SLC25A26: variants seen among roughly 807,000 people sequenced by gnomAD.
SLC25A26 encodes the protein solute carrier family 25 member 26.
In SLC25A26, 36 loss-of-function variants were observed where a neutral mutation model predicts 37.8. The observed-to-expected ratio is 0.95, with a 90% CI of 0.73 to 1.26. The LOEUF (loss-of-function observed/expected upper bound fraction) is 1.26. Ranked by LOEUF, SLC25A26 falls within the 50% of genes most tolerant of loss-of-function variation. The pLI is 0.00. For synonymous variants in SLC25A26, 129 were observed against 122.5 expected (o/e 1.05, Z -0.35); for missense variants, 390 against 331.1 (o/e 1.18, Z -1.38).
chr3:66,218,160 A>G (rs1451063314), upstream of SLC25A26, among the ~76,000 whole-genome samples: 1 of 151,258 alleles, frequency 6.6e-6, no homozygotes, highest in Non-Finnish European at 1.5e-5. Flanking sequence ...GTTGTTTCAT[A>G]TATCAGTAAT....
At chr3:66,214,395 A>G (rs2071330821) in intron 1 of SLC25A26, among the ~76,000 whole-genome samples, 1 of 152,176 alleles carries the variant, frequency 6.6e-6, no homozygotes. Context: ...TACACAACCT[A>G]AAGTATTCCT....
chr3:66,360,477 A>G (rs1170517707), intron 6 of SLC25A26, among the ~76,000 whole-genome samples: 1 of 152,214 alleles, frequency 6.6e-6, no homozygotes, highest in African/African-American at 2.4e-5. Context: ...TGATACGGTC[A>G]TCTATGTCGA....
At position 66,378,080 on chromosome 3, in the gene SLC25A26, A is replaced by T; in HGVS notation, c.*273A>T. On this transcript the variant is annotated 3_prime_UTR_variant, in exon 10 of 10. Coordinates refer to ENST00000354883, the MANE Select transcript of SLC25A26 (RefSeq NM_001379210.1). ...TTAATAAATAAGTTTGGTAATGCTG[A>T]GGCCAGGCCTTTTAGAGCTTTCATT... is the stretch of plus-strand genomic sequence containing the variant. 1 of 329,508 alleles carries T rather than the reference A, an allele frequency of 3.0e-6. No individual in the cohort carries two copies. The highest frequency in any genetic ancestry group is 4.3e-5 in the Admixed American group (1 of 23,032). 20.4% of individuals were successfully genotyped at this position (329,508 alleles called of 1,614,324 possible).
intron 5 of SLC25A26, among the ~76,000 whole-genome samples, chr3:66,294,514 T>C (rs2074829878): frequency 6.6e-6 from 1 of 152,214 alleles, no homozygotes; most frequent in Admixed American, 6.5e-5. Flanking sequence ...TTTCTGTGTC[T>C]ATTGAGATAA....
chr3:66,184,936 C>T (rs940104919), intron 1 of SLC25A26, among the ~76,000 whole-genome samples: 22 of 152,292 alleles, frequency 1.4e-4, no homozygotes, highest in African/African-American at 5.1e-4. Context: ...ACTGACTATA[C>T]TGAGTCTGGC....
At chr3:66,249,208 G>T (rs1323674807) in intron 3 of SLC25A26, among the ~76,000 whole-genome samples, 1 of 84,370 alleles carries the variant, frequency 1.2e-5, no homozygotes, top group Non-Finnish European at 2.2e-5. Context: ...TTTAACTGGA[G>T]TTAGAATGAG....
chr3:66,239,180 AG>A (rs2072446937), intron 2 of SLC25A26, among the ~76,000 whole-genome samples: 2 of 151,538 alleles, frequency 1.3e-5, no homozygotes, highest in Non-Finnish European at 2.9e-5. Context: ...ATCTCCACCA[AG>A]TTGTCTTCTG....
At chr3:66,238,210 A>C (rs2072391126) in intron 2 of SLC25A26, among the ~76,000 whole-genome samples, 1 of 152,192 alleles carries the variant, frequency 6.6e-6, no homozygotes, top group African/African-American at 2.4e-5. Flanking sequence ...ACAATTTGGC[A>C]GTTAGGGGTG....
chr3:66,345,453 C>A (rs1257844826), intron 5 of SLC25A26, among the ~76,000 whole-genome samples: 1 of 151,762 alleles, frequency 6.6e-6, no homozygotes, highest in Non-Finnish European at 1.5e-5. Flanking sequence ...CTCTCCTTTC[C>A]TTCTCTGCCC....
At chr3:66,344,690 C>G (rs2076280837) in intron 5 of SLC25A26, among the ~76,000 whole-genome samples, 1 of 152,252 alleles carries the variant, frequency 6.6e-6, no homozygotes, top group East Asian at 1.9e-4. Context: ...GTCCCCTGGG[C>G]TGTGACTGGA....
chr3:66,285,506 C>T (rs1001766297), intron 5 of SLC25A26, among the ~76,000 whole-genome samples: 1 of 50,294 alleles, frequency 2.0e-5, no homozygotes, highest in Non-Finnish European at 3.6e-5. Flanking sequence ...TAATCCCAGG[C>T]TGGAGTGCAG....
intron 5 of SLC25A26, among the ~76,000 whole-genome samples, chr3:66,322,114 G>C (rs1018437221): frequency 6.6e-6 from 1 of 152,098 alleles, no homozygotes; most frequent in Non-Finnish European, 1.5e-5. Flanking sequence ...TAGCAAATTT[G>C]CTTTAAAATG....
intron 5 of SLC25A26, among the ~76,000 whole-genome samples, chr3:66,275,261 G>T (rs373713016): frequency 2.0e-5 from 2 of 100,588 alleles, no homozygotes; most frequent in African/African-American, 7.8e-5. Flanking sequence ...GGGGTGGGGG[G>T]CGGGAGGAGG....
intron 5 of SLC25A26, among the ~76,000 whole-genome samples, chr3:66,338,758 A>G (rs2076145284): frequency 6.6e-6 from 1 of 151,920 alleles, no homozygotes; most frequent in African/African-American, 2.4e-5. Flanking sequence ...ACAAACTACA[A>G]CTTCTAATGT....
intron 5 of SLC25A26, among the ~76,000 whole-genome samples, chr3:66,340,724 C>T (rs182826390): frequency 1.3e-5 from 2 of 152,156 alleles, no homozygotes; most frequent in East Asian, 3.9e-4. Flanking sequence ...ACTCTGATCA[C>T]TGTTTTGATT....
rs1171196777 is a variant in SLC25A26 at position 66,209,910 on chromosome 3, A to T, written c.-353-10832A>T. ...TCTCTCTCTCTATTTATATATATAT[A>T]TATATATATATATATATATATATAT... On this transcript the variant is annotated intron_variant, in intron 1 of 10. Coordinates refer to the SLC25A26 transcript ENST00000676754. 5.4e-3 allele frequency among the ~76,000 whole-genome samples: 131 copies of T among 24,484 alleles called. 2 individuals are homozygous for T. Among genetic ancestry groups the T allele is most frequent in the African/African-American group, 0.02 (125 of 6,340 alleles). 16.1% of individuals were successfully genotyped at this position (24,484 alleles called of 152,430 possible). A position where few individuals can be genotyped will look rare whatever the true frequency, so the allele number is the denominator to read the frequency against.
At chr3:66,185,150 CA>C (rs1437989532) in intron 1 of SLC25A26, among the ~76,000 whole-genome samples, 9 of 152,168 alleles carry the variant, frequency 5.9e-5, no homozygotes, top group Non-Finnish European at 1.0e-4. Flanking sequence ...CAACCACCAT[CA>C]TAGTTTCTGT....
intron 5 of SLC25A26, among the ~76,000 whole-genome samples, chr3:66,294,779 A>G (rs1034533612): frequency 3.9e-5 from 6 of 152,224 alleles, no homozygotes; most frequent in Non-Finnish European, 8.8e-5. Flanking sequence ...CCTATTTACT[A>G]TGGGTCATTT....
chr3:66,234,808 C>T (rs1297206462), intron 1 of SLC25A26, among the ~76,000 whole-genome samples: 1 of 152,106 alleles, frequency 6.6e-6, no homozygotes, highest in Non-Finnish European at 1.5e-5. Context: ...TTGAATAATA[C>T]TGATGATCTT....
Sources: allele counts gnomAD v4.1 joint callset (sites outside exome capture counted in the v4.1 genomes callset), GRCh38; gene constraint gnomAD v4.1.1; transcripts MANE v1.5; gene names NCBI Gene and HGNC (gene_info 2026-07-23, HGNC 2026-07-21).